The following ANP32B variants were observed in gnomAD, a reference collection of about 807,000 sequenced individuals.
The protein encoded by ANP32B is acidic nuclear phosphoprotein 32 family member B.
A neutral mutation model predicts 32.2 loss-of-function variants in ANP32B; 6 were observed. The ratio of observed to expected loss-of-function variants is 0.19; its 90% confidence interval spans 0.10 to 0.37. The LOEUF (loss-of-function observed/expected upper bound fraction) is 0.37, where lower values mean the gene tolerates loss of function less well. ANP32B is among the 10% of genes least tolerant of loss of function. The probability of loss-of-function intolerance (pLI) is 1.00; values close to 1 mark genes in which losing one functional copy is unlikely to be tolerated. For synonymous variants in ANP32B, 98 were observed against 105.8 expected, an observed-to-expected ratio of 0.93 and a Z score of 0.45; for missense variants, 204 against 289.2, an observed-to-expected ratio of 0.71 and a Z score of 2.14.
In ANP32B at chr9:98,012,593, A is replaced by G. The variant is rs1191412233; in HGVS notation, c.688+121A>G. ...TACTCTTGGCTCTGGTGGTTTACAC[A>G]TTCACATTCTCGTTTCTATCGTCCC... On this transcript the variant is annotated intron_variant, in intron 6 of 6. Transcript: ENST00000339399. 7 of 1,405,680 alleles carry G rather than the reference A, an allele frequency of 5.0e-6. No homozygotes were observed. In the East Asian group the frequency reaches 1.8e-4, roughly 35 times the overall value. 87.1% of individuals were successfully genotyped at this position (1,405,680 alleles called of 1,614,324 possible).
At chr9:98,008,720 A>C (rs1828130316) in intron 4 of ANP32B, among the ~76,000 whole-genome samples, 1 of 152,164 alleles carries the variant, frequency 6.6e-6, no homozygotes, top group African/African-American at 2.4e-5. Context: ...ACTGTCTCTC[A>C]TTGCCCCCAG....
Position 97,983,459 on chromosome 9 carries a change from A to G in ANP32B, c.-97A>G. On this transcript the variant is annotated 5_prime_UTR_variant, in exon 1 of 7. Transcript: ENST00000339399. ...CGCCGCCGGCCTCCGCCGCTAGCAA[A>G]CCCTTCCGACGGCCCTCGCTGCGCA... is the stretch of plus-strand genomic sequence containing the variant. 8.5e-7 allele frequency: 1 copy of G among 1,171,272 alleles called. No individual in the cohort carries two copies. Among genetic ancestry groups the G allele is most frequent in the Non-Finnish European group, 1.2e-6 (1 of 819,828 alleles). 72.6% of individuals were successfully genotyped at this position (1,171,272 alleles called of 1,614,324 possible).
chr9:98,001,208 T>A (rs78516502), intron 3 of ANP32B, among the ~76,000 whole-genome samples: 2 of 151,420 alleles, frequency 1.3e-5, no homozygotes, highest in Non-Finnish European at 2.9e-5. Flanking sequence ...TTTTTTTTTT[T>A]TTAGACGGAG....
chr9:97,984,234 A>T (rs1233884621), intron 1 of ANP32B, among the ~76,000 whole-genome samples: 1 of 149,126 alleles, frequency 6.7e-6, no homozygotes, highest in Non-Finnish European at 1.5e-5. Context: ...CGGCGCGCGG[A>T]GCGGGGGAGG....
At chr9:97,993,708 T>C (rs1827864168) in intron 1 of ANP32B, among the ~76,000 whole-genome samples, 1 of 152,256 alleles carries the variant, frequency 6.6e-6, no homozygotes, top group Admixed American at 6.5e-5. Context: ...AAATCTCGGC[T>C]AACTGCCACC....
At chr9:97,983,632 G>A in intron 1 of ANP32B, 23 bp downstream of exon 1, 2 of 1,543,436 alleles carry the variant, frequency 1.3e-6, no homozygotes, top group South Asian at 2.4e-5. Context: ...CCCTCTGGGT[G>A]CCCTCTCCCC....
At chr9:97,983,681 G>A (rs929287509) in intron 1 of ANP32B, 72 bp downstream of exon 1, 16 of 1,257,792 alleles carry the variant, frequency 1.3e-5, no homozygotes, top group South Asian at 4.6e-5. Flanking sequence ...TGCGGGGCCC[G>A]GGCTGAGGGT....
At chr9:97,994,814 G>T (rs746441666) in intron 2 of ANP32B, 34 bp downstream of exon 2, 1 of 1,553,900 alleles carries the variant, frequency 6.4e-7, no homozygotes, top group South Asian at 1.2e-5. Flanking sequence ...AAAAGAGAAC[G>T]ATCCTGGGAA....
At position 98,015,560 on chromosome 9, in the gene ANP32B, G is replaced by A. The variant is rs796187805; in HGVS notation, c.*129G>A. ...CCCAGGACACCCACCCACCCAAAGA[G>A]CCAAAGAATAGTTCCTGTGACATTC... On this transcript the variant is annotated 3_prime_UTR_variant, in exon 7 of 7. Coordinates refer to ENST00000339399, the MANE Select transcript of ANP32B (RefSeq NM_006401.3). The A allele has an allele frequency of 1.4e-6, 2 of 1,406,574 alleles. No homozygotes were observed. Among genetic ancestry groups the A allele is most frequent in the Non-Finnish European group, 1.9e-6 (2 of 1,077,850 alleles). The allele number at this position is 1,406,574 out of a possible 1,614,324, so 87.1% of individuals were successfully genotyped here. A position where few individuals can be genotyped will look rare whatever the true frequency, so the allele number is the denominator to read the frequency against.
intron 2 of ANP32B, 26 bp from the exon 3 acceptor site, chr9:97,998,530 T>C: frequency 6.3e-7 from 1 of 1,594,416 alleles, no homozygotes; most frequent in African/African-American, 1.4e-5. Flanking sequence ...TATTTGTGTT[T>C]GTGTTGTGTC....
At chr9:97,999,629 C>A (rs548576076) in intron 3 of ANP32B, among the ~76,000 whole-genome samples, 3 of 152,350 alleles carry the variant, frequency 2.0e-5, no homozygotes, top group African/African-American at 7.2e-5. Context: ...AGTTTCCTCA[C>A]TTATAGCAGG....
chr9:98,007,941 T>C (rs1828114730), intron 4 of ANP32B, among the ~76,000 whole-genome samples: 1 of 152,282 alleles, frequency 6.6e-6, no homozygotes, highest in Non-Finnish European at 1.5e-5. Flanking sequence ...AGAGGCCTGC[T>C]CCAGAGATTT....
chr9:97,998,685 A>G lies in ANP32B; in HGVS notation c.327+7A>G. ...CAGCACCTTGGAACCTTTGGTAAGTAACTGAGAATTTGGAAACTGGAACTT... is the reference window on the plus strand; with the variant it reads ...CAGCACCTTGGAACCTTTGGTAAGTGACTGAGAATTTGGAAACTGGAACTT... On this transcript the variant is annotated splice_region_variant and intron_variant, in intron 3 of 6. Coordinates refer to ENST00000339399, the MANE Select transcript of ANP32B (RefSeq NM_006401.3). 6.4e-7 allele frequency: 1 copy of G among 1,558,130 alleles called. No homozygotes were observed. The highest frequency in any genetic ancestry group is 8.7e-7 in the Non-Finnish European group (1 of 1,156,064).
intron 1 of ANP32B, among the ~76,000 whole-genome samples, chr9:97,984,105 G>T (rs933184199): frequency 6.7e-6 from 1 of 149,888 alleles, no homozygotes; most frequent in African/African-American, 2.4e-5. Flanking sequence ...TGTGGCCGGA[G>T]CTCGCCGTGG....
At position 98,012,033 on chromosome 9, in the gene ANP32B, G is replaced by A. The variant is rs576598646; in HGVS notation, c.637-388G>A. 3.5e-4 allele frequency among the ~76,000 whole-genome samples: 54 copies of A among 152,318 alleles called. 1 individual carries two copies. Among genetic ancestry groups the A allele is most frequent in the Admixed American group, 1.3e-3 (20 of 15,306 alleles). On this transcript the variant is annotated intron_variant, in intron 5 of 6. Transcript: ENST00000339399. ...AGTATAAAAATAAGGCTTGGGGTTT[G>A]TGTGATGTCATTAGGTGTATGATTG...
At chr9:97,997,546 G>A (rs1827925643) in intron 2 of ANP32B, among the ~76,000 whole-genome samples, 1 of 152,146 alleles carries the variant, frequency 6.6e-6, no homozygotes, top group African/African-American at 2.4e-5. Flanking sequence ...AGTAACAGCT[G>A]GGCGATGTTG....
At chr9:98,011,930 G>A (rs554544130) in intron 5 of ANP32B, among the ~76,000 whole-genome samples, 1 of 152,286 alleles carries the variant, frequency 6.6e-6, no homozygotes, top group South Asian at 2.1e-4. Flanking sequence ...AGAAAACAGT[G>A]TCTTGACTTT....
chr9:98,011,112 C>T (rs370981959), intron 4 of ANP32B, among the ~76,000 whole-genome samples, 159 bp from the exon 5 acceptor site: 43 of 152,238 alleles, frequency 2.8e-4, no homozygotes, highest in Non-Finnish European at 4.4e-4. Context: ...GGGACTCTAT[C>T]GGACAAAGGG....
intron 1 of ANP32B, among the ~76,000 whole-genome samples, chr9:97,985,705 A>C (rs1827716535): frequency 6.6e-6 from 1 of 152,216 alleles, no homozygotes; most frequent in African/African-American, 2.4e-5. Flanking sequence ...TCTCAAGAGT[A>C]GTGTTCCCTC....
Sources: gnomAD v4.1 joint callset for allele counts (sites outside exome capture counted in the v4.1 genomes callset) on GRCh38, gnomAD v4.1.1 for gene constraint, MANE v1.5 for transcripts, NCBI Gene and HGNC (gene_info 2026-07-23, HGNC 2026-07-21) for gene names.